The following FAM98B variants were observed in gnomAD, a reference collection of about 807,000 sequenced individuals.
FAM98B encodes tRNA splicing ligase complex subunit 3B.
In FAM98B, 32 loss-of-function variants were observed where a neutral mutation model predicts 43.9. The observed-to-expected ratio is 0.73, with a 90% confidence interval of 0.55 to 0.98. FAM98B has a LOEUF of 0.98. Among genes scored for constraint, FAM98B ranks in the 50% least tolerant of loss-of-function variants. FAM98B has a pLI of 0.00. For synonymous variants in FAM98B, 190 were observed against 174.0 expected, an observed-to-expected ratio of 1.09 and a Z score of -0.72; for missense variants, 514 against 522.9, an observed-to-expected ratio of 0.98 and a Z score of 0.17.
In FAM98B at chr15:38,462,097, A is replaced by G. The variant is rs534242868; in HGVS notation, c.72-1935A>G. On this transcript the variant is annotated intron_variant, in intron 1 of 7. Coordinates refer to ENST00000397609, the MANE Select transcript of FAM98B (RefSeq NM_173611.4). ...ATAACTGTAAAAATGGTTGAATACT[A>G]TGTCTAAATATTGATCTCTACTCTA... is the stretch of plus-strand genomic sequence containing the variant. 6.8e-4 allele frequency among the ~76,000 whole-genome samples: 103 copies of G among 152,114 alleles called. 1 individual carries two copies. The highest frequency in any genetic ancestry group is 2.2e-3 in the African/African-American group (91 of 41,572).
intron 6 of FAM98B, among the ~76,000 whole-genome samples, chr15:38,474,520 T>G (rs1014778624): frequency 3.3e-5 from 5 of 152,166 alleles, no homozygotes; most frequent in African/African-American, 1.2e-4. Flanking sequence ...TTTAAACTCA[T>G]AGATATTGTG....
intron 2 of FAM98B, 55 bp from the exon 3 acceptor site, chr15:38,465,214 A>G: frequency 6.5e-7 from 1 of 1,527,782 alleles, no homozygotes; most frequent in Non-Finnish European, 8.8e-7. Context: ...ATTTTATAGT[A>G]TTGGATTATA....
rs578067737 is a variant in FAM98B at position 38,480,845 on chromosome 15, A to T, written c.730-447A>T. On this transcript the variant is annotated intron_variant, in intron 6 of 7. Coordinates refer to ENST00000397609, the MANE Select transcript of FAM98B (RefSeq NM_173611.4). ...TTAGATTTTTTTTTCATTCTCTCAA[A>T]AACTATTTATATAGGATTATAAGTT... Among the ~76,000 whole-genome samples the T allele has an allele frequency of 2.6e-5, 4 of 152,188 alleles. No individual in the cohort carries two copies. In the East Asian group the frequency reaches 7.7e-4, roughly 29 times the overall value.
chr15:38,474,012 A>G (rs771789456), intron 5 of FAM98B, among the ~76,000 whole-genome samples, 170 bp from the exon 6 acceptor site: 25 of 152,198 alleles, frequency 1.6e-4, no homozygotes, highest in Non-Finnish European at 3.1e-4. Context: ...TGTTCTTTCA[A>G]TTATGCTTTA....
At chr15:38,476,226 G>A (rs1342263086) in intron 6 of FAM98B, among the ~76,000 whole-genome samples, 1 of 151,820 alleles carries the variant, frequency 6.6e-6, no homozygotes, top group East Asian at 1.9e-4. Context: ...CAAGTATTTA[G>A]TGCTGCCATT....
At chr15:38,474,329 G>T (rs747782955) in intron 6 of FAM98B, 31 bp downstream of exon 6, 78 of 1,479,854 alleles carry the variant, frequency 5.3e-5, no homozygotes, top group Non-Finnish European at 7.1e-5. Flanking sequence ...GTGTCCTGTA[G>T]GTGGTAGCCT....
intron 6 of FAM98B, among the ~76,000 whole-genome samples, chr15:38,475,981 T>C (rs1255605781): frequency 1.3e-5 from 2 of 152,224 alleles, no homozygotes; most frequent in African/African-American, 4.8e-5. Flanking sequence ...GCTGTTTGCA[T>C]GGCTATCCTT....
intron 4 of FAM98B, among the ~76,000 whole-genome samples, chr15:38,471,614 C>T (rs55934559): frequency 0.18 from 28,002 of 152,034 alleles, 2,983 homozygotes; most frequent in Non-Finnish European, 0.24. Flanking sequence ...GTAGTTGTTA[C>T]TATGGCCATC....
chr15:38,462,800 C>G (rs1362825260), intron 1 of FAM98B, among the ~76,000 whole-genome samples: 1 of 152,174 alleles, frequency 6.6e-6, no homozygotes, highest in African/African-American at 2.4e-5. Flanking sequence ...AGTGACCAAC[C>G]TTTGGTAGCA....
chr15:38,468,728 C>T (rs1371245559), intron 3 of FAM98B, among the ~76,000 whole-genome samples: 3 of 152,168 alleles, frequency 2.0e-5, no homozygotes, highest in African/African-American at 7.2e-5. Flanking sequence ...AAACAAACCA[C>T]ACACAGATGC....
chr15:38,484,493 G>C lies in FAM98B; in HGVS notation c.1136G>C (p.Gly379Ala). 1 of 1,151,482 alleles carries C rather than the reference G, an allele frequency of 8.7e-7. No homozygotes were observed. Among genetic ancestry groups the C allele is most frequent in the East Asian group, 6.4e-5 (1 of 15,572 alleles). The allele number at this position is 1,151,482 out of a possible 1,614,324, so 71.3% of individuals were successfully genotyped here. The change falls in exon 8 of 8, where the codon GGA becomes GCA. Residue 379 changes from glycine (G) to alanine (A), a missense_variant. Physicochemically the swap from Gly to Ala is moderately conservative, Grantham distance 60. Coordinates refer to ENST00000397609, the MANE Select transcript of FAM98B (RefSeq NM_173611.4). ...GGAGGGGGAGGAGGGTGGGGGGGAGGAGGAGGAGGTGGTAGAGGAGGTTTC... is the reference window on the plus strand; with the variant it reads ...GGAGGGGGAGGAGGGTGGGGGGGAGCAGGAGGAGGTGGTAGAGGAGGTTTC... Reference protein sequence around the residue: ...GGGGGGGWGGGGGGGRGGFQG... With the variant: ...GGGGGGGWGGAGGGGRGGFQG...
At chr15:38,466,182 T>TTGTGTGTGTG (rs35919139) in intron 3 of FAM98B, among the ~76,000 whole-genome samples, 2,116 of 147,772 alleles carry the variant, frequency 0.014, 51 homozygotes, top group African/African-American at 0.049. Context: ...GAGATGAAAT[T>TTGTGTGTGTG]TGTGTGTGTG....
At chr15:38,469,805 A>C (rs1192002903) in intron 3 of FAM98B, among the ~76,000 whole-genome samples, 1 of 151,838 alleles carries the variant, frequency 6.6e-6, no homozygotes. Flanking sequence ...ATCTGTTTCA[A>C]ACTAAGTCTT....
chr15:38,458,901 C>A (rs1889897621), intron 1 of FAM98B: 1 of 438,292 alleles, frequency 2.3e-6, no homozygotes. Context: ...ATGTAAGAAG[C>A]AGACAAGTTG....
intron 4 of FAM98B, among the ~76,000 whole-genome samples, chr15:38,471,994 C>G (rs1409355636): frequency 6.6e-6 from 1 of 152,028 alleles, no homozygotes; most frequent in Non-Finnish European, 1.5e-5. Flanking sequence ...GTTGTATTAC[C>G]TAGACAACCA....
At position 38,484,252 on chromosome 15, in the gene FAM98B, C is replaced by G. The variant is rs558606844; in HGVS notation, c.898-3C>G. The G allele has an allele frequency of 6.5e-7, 1 of 1,547,858 alleles. No individual in the cohort carries two copies. Among genetic ancestry groups the G allele is most frequent in the Non-Finnish European group, 8.7e-7 (1 of 1,145,998 alleles). The stretch of plus-strand genomic sequence containing the variant: ...AACTAAAAGAAAATGTTTCTTCACA[C>G]AGGTGCTGATGGGAAGGGTGCCTGA... On this transcript the variant is annotated splice_polypyrimidine_tract_variant and splice_region_variant and intron_variant, in intron 7 of 7. Coordinates refer to ENST00000397609, the MANE Select transcript of FAM98B (RefSeq NM_173611.4).
chr15:38,459,924 A>G (rs983269423), intron 1 of FAM98B, among the ~76,000 whole-genome samples: 3 of 152,224 alleles, frequency 2.0e-5, no homozygotes, highest in Non-Finnish European at 4.4e-5. Context: ...AAGCAGAGAG[A>G]GGTAGAGAGT....
rs547667456 is a variant in FAM98B at position 38,487,577 on chromosome 15, A to C, written c.*2918A>C. On this transcript the variant is annotated 3_prime_UTR_variant, in exon 8 of 8. Transcript: ENST00000397609. ...TCCACAGAGGAATTTGAGTGACTGA[A>C]ATTTTTCCTCTTTCTTCATTGGTGT... 3.6e-4 allele frequency: 55 copies of C among 152,226 alleles called. No homozygotes were observed. The highest frequency in any genetic ancestry group is 1.3e-3 in the African/African-American group (53 of 41,568). The allele number at this position is 152,226 out of a possible 1,614,324, so 9.4% of individuals were successfully genotyped here.
chr15:38,473,333 T>A (rs1178443864), intron 4 of FAM98B, among the ~76,000 whole-genome samples, 172 bp from the exon 5 acceptor site: 1 of 152,168 alleles, frequency 6.6e-6, no homozygotes, highest in Non-Finnish European at 1.5e-5. Flanking sequence ...TAATGTGCTT[T>A]TTTGAAAAAG....
Sources: gnomAD v4.1 joint callset for allele counts (sites outside exome capture counted in the v4.1 genomes callset) on GRCh38, gnomAD v4.1.1 for gene constraint, MANE v1.5 for transcripts, NCBI Gene and HGNC (gene_info 2026-07-23, HGNC 2026-07-21) for gene names.